ABRAXAS1: variants seen among roughly 807,000 people sequenced by gnomAD.
The protein encoded by ABRAXAS1 is BRCA1-A complex subunit Abraxas 1.
In ABRAXAS1, 26 loss-of-function variants were observed where a neutral mutation model predicts 38.4. The observed-to-expected ratio is 0.68, with a 90% confidence interval of 0.50 to 0.94. ABRAXAS1 has a LOEUF of 0.94. Among genes scored for constraint, ABRAXAS1 ranks in the 40% least tolerant of loss-of-function variants. ABRAXAS1 has a pLI of 0.00. For synonymous variants in ABRAXAS1, 144 were observed against 165.5 expected, an observed-to-expected ratio of 0.87 and a Z score of 1.00; for missense variants, 438 against 481.9, an observed-to-expected ratio of 0.91 and a Z score of 0.85.
At chr4:83,477,775 T>C (rs773053004) in intron 2 of ABRAXAS1, 7 of 711,968 alleles carry the variant, frequency 9.8e-6, no homozygotes, top group Non-Finnish European at 1.8e-5. Flanking sequence ...GAATTGCTCC[T>C]GTTTTGCAAA....
intron 3 of ABRAXAS1, 112 bp downstream of exon 3, chr4:83,476,531 G>T: frequency 2.7e-6 from 2 of 727,438 alleles, no homozygotes; most frequent in Non-Finnish European, 2.3e-6. Context: ...ATTCTACTCA[G>T]TACCACCATG....
chr4:83,471,430 G>C (rs933365386), intron 4 of ABRAXAS1, among the ~76,000 whole-genome samples: 1 of 151,300 alleles, frequency 6.6e-6, no homozygotes, highest in African/African-American at 2.4e-5. Context: ...GGCTGGTCTC[G>C]AACTCCTGAC....
chr4:83,462,623 C>T lies in ABRAXAS1; in HGVS notation c.1076G>A (p.Arg359Lys). 6.2e-7 allele frequency: 1 copy of T among 1,614,126 alleles called. No homozygotes were observed. Among genetic ancestry groups the T allele is most frequent in the Non-Finnish European group, 8.5e-7 (1 of 1,180,018 alleles). ...LDLDDRWQFK[R>K]SRLLDTQDKR... is the part of the protein sequence containing the mutation. Reference sequence around the variant, plus strand: ...GTCTTGTGTATCTAACAACCGAGATCTCTTGAATTGCCATCTGTCATCTAA... The same window carrying T: ...GTCTTGTGTATCTAACAACCGAGATTTCTTGAATTGCCATCTGTCATCTAA... Residue 359 changes from arginine (R) to lysine (K), a missense_variant, in exon 9 of 9, where the codon AGA (arginine) becomes AAA (lysine). This residue lies in a region of ABRAXAS1 where 184 missense variants were observed against 181.9 expected (regional missense o/e 1.01). Coordinates refer to ENST00000321945, the MANE Select transcript of ABRAXAS1 (RefSeq NM_139076.3).
chr4:83,475,469 C>A (rs766431529), intron 3 of ABRAXAS1, among the ~76,000 whole-genome samples: 5 of 151,918 alleles, frequency 3.3e-5, no homozygotes, highest in Non-Finnish European at 7.4e-5. Context: ...TTTTTGGAGA[C>A]AGGGTCTTGC....
At chr4:83,483,599 C>T (rs1234894427) in intron 1 of ABRAXAS1, among the ~76,000 whole-genome samples, 1 of 151,716 alleles carries the variant, frequency 6.6e-6, no homozygotes, top group Admixed American at 6.6e-5. Context: ...ATGCTTTTTT[C>T]CCCTAAAAGT....
chr4:83,472,155 G>T, intron 4 of ABRAXAS1, 67 bp downstream of exon 4: 2 of 948,550 alleles, frequency 2.1e-6, no homozygotes, highest in Non-Finnish European at 3.1e-6. Flanking sequence ...TCAAAGTACT[G>T]TGTGTTTTTA....
chr4:83,484,922 G>A (rs1723128310), intron 1 of ABRAXAS1, 64 bp downstream of exon 1: 12 of 1,400,040 alleles, frequency 8.6e-6, no homozygotes, highest in Non-Finnish European at 1.2e-5. Flanking sequence ...CAACAGCGGG[G>A]AGGCAGGCCG....
chr4:83,478,235 G>GT (rs1446482802), intron 2 of ABRAXAS1: 1 of 683,264 alleles, frequency 1.5e-6, no homozygotes, highest in African/African-American at 1.8e-5. Flanking sequence ...AGGCACTCAC[G>GT]TGATGAACCA....
intron 2 of ABRAXAS1, among the ~76,000 whole-genome samples, chr4:83,477,092 C>T (rs1436490109): frequency 6.6e-6 from 1 of 152,194 alleles, no homozygotes; most frequent in East Asian, 1.9e-4. Flanking sequence ...ATGAAAATCT[C>T]CTTAACCAAA....
chr4:83,469,085 A>G lies in ABRAXAS1; in HGVS notation c.543T>C (p.Thr181=). The G allele has an allele frequency of 1.2e-6, 2 of 1,614,034 alleles. No individual in the cohort carries two copies. Among genetic ancestry groups the G allele is most frequent in the South Asian group, 2.2e-5 (2 of 91,080 alleles). ...CAGTGGACATACAGGAACCTGATAC[A>G]GTTTTATAACCCAGTTGTTCAGACA... ...LGMSEQLGYK[T]VSGSCMSTGF... The change falls in exon 6 of 9, where the codon ACT becomes ACC. Residue 181 remains threonine, a synonymous_variant. Coordinates refer to ENST00000321945, the MANE Select transcript of ABRAXAS1 (RefSeq NM_139076.3).
intron 6 of ABRAXAS1, among the ~76,000 whole-genome samples, chr4:83,468,041 G>T (rs1371362244): frequency 6.6e-6 from 1 of 152,084 alleles, no homozygotes; most frequent in Non-Finnish European, 1.5e-5. Context: ...GGTGGCTCAC[G>T]CCTGTAATCC....
chr4:83,484,916 A>T, intron 1 of ABRAXAS1, 70 bp downstream of exon 1: 1 of 1,353,570 alleles, frequency 7.4e-7, no homozygotes, highest in Non-Finnish European at 1.0e-6. Flanking sequence ...CCGGAGCAAC[A>T]GCGGGGAGGC....
At chr4:83,482,280 G>T in intron 1 of ABRAXAS1, 36 bp from the exon 2 acceptor site, 1 of 1,269,132 alleles carries the variant, frequency 7.9e-7, no homozygotes, top group South Asian at 1.3e-5. Flanking sequence ...AGAATACACT[G>T]ATAGAATTAC....
chr4:83,479,591 T>C (rs1345078320), intron 2 of ABRAXAS1: 1 of 152,026 alleles, frequency 6.6e-6, no homozygotes, highest in Non-Finnish European at 1.5e-5. Context: ...CTGTTTATGT[T>C]AACAAAAAAA....
At chr4:83,464,546 G>T (rs151188256) in intron 7 of ABRAXAS1, among the ~76,000 whole-genome samples, 2,301 of 152,272 alleles carry the variant, frequency 0.015, 51 homozygotes, top group African/African-American at 0.052. Context: ...CAACTGTAGG[G>T]TAATAGTTGT....
chr4:83,470,243 T>C lies in ABRAXAS1; in HGVS notation c.436A>G (p.Thr146Ala), dbSNP rs1472680353. The change falls in exon 5 of 9, where the codon ACT becomes GCT. Residue 146 changes from threonine (T) to alanine (A), a missense_variant. Transcript: ENST00000321945. ...TPSIITESCS[T>A]HRLEHSLYKP... ...TATAAGGAATGTTCCAGTCGATGAGTAGAGCAGCTTTCTGTTATTATACTT... is the reference window on the plus strand; with the variant it reads ...TATAAGGAATGTTCCAGTCGATGAGCAGAGCAGCTTTCTGTTATTATACTT... The C allele has an allele frequency of 1.2e-6, 2 of 1,613,748 alleles. No homozygotes were observed. Among genetic ancestry groups the C allele is most frequent in the Non-Finnish European group, 1.7e-6 (2 of 1,179,758 alleles).
chr4:83,460,820 C>A lies in ABRAXAS1; in HGVS notation c.*1649G>T. ...ACTAAGGAGGCTGAGGCAAGATAAT[C>A]GATTGAGCCTGGGTGGCGGAGGTTG... is the stretch of plus-strand genomic sequence containing the variant. On this transcript the variant is annotated 3_prime_UTR_variant, in exon 9 of 9. Transcript: ENST00000321945. 1.6e-6 allele frequency: 1 copy of A among 623,140 alleles called. No individual in the cohort carries two copies. The highest frequency in any genetic ancestry group is 1.9e-5 in the South Asian group (1 of 53,060). The allele number at this position is 623,140 out of a possible 1,614,324, so 38.6% of individuals were successfully genotyped here. A position where few individuals can be genotyped will look rare whatever the true frequency, so the allele number is the denominator to read the frequency against.
chr4:83,484,574 A>C (rs1303873318), intron 1 of ABRAXAS1, among the ~76,000 whole-genome samples: 2 of 152,238 alleles, frequency 1.3e-5, no homozygotes, highest in Non-Finnish European at 2.9e-5. Context: ...GCTGCTCTGC[A>C]TGAAAAAGTC....
chr4:83,471,410 G>A (rs1403571848), intron 4 of ABRAXAS1, among the ~76,000 whole-genome samples: 2 of 151,102 alleles, frequency 1.3e-5, no homozygotes, highest in East Asian at 1.9e-4. Flanking sequence ...GGGTTTCACC[G>A]TGTTGGTCAG....
Sources: allele counts gnomAD v4.1 joint callset (sites outside exome capture counted in the v4.1 genomes callset), GRCh38; gene constraint gnomAD v4.1.1; regional missense constraint gnomAD v4.1.1; transcripts MANE v1.5; gene names NCBI Gene and HGNC (gene_info 2026-07-23, HGNC 2026-07-21).